CYLC2: variants seen among roughly 807,000 people sequenced by gnomAD.
CYLC2 encodes cylicin-2.
CYLC2 carries 30 observed loss-of-function variants against 26.1 expected under a neutral mutation model. That is an observed-to-expected ratio of 1.15 (90% CI 0.86 to 1.56). The LOEUF (loss-of-function observed/expected upper bound fraction) is 1.56. CYLC2 is among the 40% of genes most tolerant of loss of function. The pLI is 0.00. For synonymous variants in CYLC2, 158 were observed against 132.8 expected (o/e 1.19, Z -1.31); for missense variants, 498 against 394.4 (o/e 1.26, Z -2.23).
At chr9:102,998,334 A>G (rs1350246518) in intron 1 of CYLC2, among the ~76,000 whole-genome samples, 1 of 151,948 alleles carries the variant, frequency 6.6e-6, no homozygotes, top group Non-Finnish European at 1.5e-5. Flanking sequence ...AAATACATTT[A>G]CATTCATATA....
At chr9:102,995,610 G>T (rs553034756) in intron 1 of CYLC2, among the ~76,000 whole-genome samples, 1 of 151,792 alleles carries the variant, frequency 6.6e-6, no homozygotes, top group African/African-American at 2.4e-5. Context: ...TAGATACCTG[G>T]CTTTGGATAA....
At chr9:102,998,069 T>C (rs1829254663) in intron 1 of CYLC2, among the ~76,000 whole-genome samples, 3 of 151,956 alleles carry the variant, frequency 2.0e-5, no homozygotes, top group African/African-American at 7.2e-5. Context: ...GCACAGTTAC[T>C]GAAAATGATT....
At chr9:103,008,723 C>T (rs542761483) in intron 5 of CYLC2, among the ~76,000 whole-genome samples, 3 of 152,114 alleles carry the variant, frequency 2.0e-5, no homozygotes, top group African/African-American at 4.8e-5. Context: ...ACAAAATACT[C>T]GAGTTGGTAT....
At chr9:103,008,057 A>G (rs1829369666) in intron 5 of CYLC2, among the ~76,000 whole-genome samples, 1 of 152,110 alleles carries the variant, frequency 6.6e-6, no homozygotes, top group Non-Finnish European at 1.5e-5. Context: ...CTTCCTCTGC[A>G]TATAGTAAAA....
chr9:103,000,390 C>A (rs866617311), intron 1 of CYLC2, among the ~76,000 whole-genome samples: 1 of 151,880 alleles, frequency 6.6e-6, no homozygotes, highest in African/African-American at 2.4e-5. Flanking sequence ...GTTTCATGAA[C>A]TTAAAATCTT....
chr9:103,013,868 A>G (rs1463813800), intron 6 of CYLC2, among the ~76,000 whole-genome samples: 2 of 113,508 alleles, frequency 1.8e-5, no homozygotes, highest in Non-Finnish European at 3.2e-5. Flanking sequence ...TATATATTAT[A>G]TATTATACAT....
chr9:103,013,390 A>G (rs1221330002), intron 6 of CYLC2, among the ~76,000 whole-genome samples: 1 of 105,344 alleles, frequency 9.5e-6, no homozygotes, highest in East Asian at 2.8e-4. Flanking sequence ...ATATAAATAT[A>G]TATTATATAA....
rs1354435076 is a variant in CYLC2, at chr9:103,013,996, C to T, written c.*816+1899C>T. Reference sequence around the variant, plus strand: ...TTATATATTATTTAATATGATATTACAGTTATATTATAATATATTAAATAT... The same window carrying T: ...TTATATATTATTTAATATGATATTATAGTTATATTATAATATATTAAATAT... On this transcript the variant is annotated intron_variant, in intron 6 of 7. Coordinates refer to ENST00000374798, the MANE Select transcript of CYLC2 (RefSeq NM_001340.5). Among the ~76,000 whole-genome samples, 504 of 100,440 alleles carry T rather than the reference C, an allele frequency of 5.0e-3. 5 individuals are homozygous for T. Among genetic ancestry groups the T allele is most frequent in the African/African-American group, 0.018 (468 of 25,698 alleles). 65.9% of individuals were successfully genotyped at this position (100,440 alleles called of 152,430 possible).
chr9:103,015,075 T>A (rs1232974550), intron 6 of CYLC2, among the ~76,000 whole-genome samples: 1 of 123,170 alleles, frequency 8.1e-6, no homozygotes, highest in Admixed American at 9.1e-5. Flanking sequence ...ACATAATACA[T>A]GTAATATACA....
intron 1 of CYLC2, among the ~76,000 whole-genome samples, chr9:102,997,893 A>G (rs1829253452): frequency 1.3e-5 from 2 of 151,986 alleles, no homozygotes; most frequent in African/African-American, 4.8e-5. Context: ...AAAATTTTTT[A>G]TGGTGATAGA....
chr9:103,003,328 T>C (rs2066261), intron 3 of CYLC2, 65 bp downstream of exon 3: 1,005,174 of 1,347,160 alleles, frequency 0.75, 380,146 homozygotes, highest in East Asian at 1. Context: ...ATTATAACCA[T>C]AATAAGTAAT....
chr9:103,014,339 A>G (rs1371452998), intron 6 of CYLC2, among the ~76,000 whole-genome samples: 2 of 136,564 alleles, frequency 1.5e-5, no homozygotes, highest in Non-Finnish European at 3.1e-5. Flanking sequence ...TGTATATAAT[A>G]TGTATATATT....
chr9:102,996,741 A>G (rs1021165408), intron 1 of CYLC2, among the ~76,000 whole-genome samples: 20 of 152,106 alleles, frequency 1.3e-4, no homozygotes, highest in Admixed American at 3.9e-4. Context: ...TATGGCTATC[A>G]ACTTGTATGT....
intron 6 of CYLC2, among the ~76,000 whole-genome samples, chr9:103,015,705 T>G (rs1321006843): frequency 6.7e-6 from 1 of 149,170 alleles, no homozygotes; most frequent in African/African-American, 2.4e-5. Flanking sequence ...TAATATGGCT[T>G]TTAGAAAATG....
Position 103,012,678 on chromosome 9 carries a change from T to C in CYLC2, c.*816+581T>C, listed in dbSNP as rs146986582. Among the ~76,000 whole-genome samples, 780 of 152,152 alleles carry C rather than the reference T, an allele frequency of 5.1e-3. 6 individuals are homozygous for C. The highest frequency in any genetic ancestry group is 0.018 in the African/African-American group (739 of 41,540). Reference sequence around the variant, plus strand: ...TCTAAATAATAATTGAGTTTTCTTATCAGGCTGAACTATTTGGCAAACATA... The same window carrying C: ...TCTAAATAATAATTGAGTTTTCTTACCAGGCTGAACTATTTGGCAAACATA... On this transcript the variant is annotated intron_variant, in intron 6 of 7. Coordinates refer to ENST00000374798, the MANE Select transcript of CYLC2 (RefSeq NM_001340.5).
chr9:103,008,758 T>C (rs1338432407), intron 5 of CYLC2, among the ~76,000 whole-genome samples: 1 of 152,162 alleles, frequency 6.6e-6, no homozygotes. Flanking sequence ...CTACCACTTC[T>C]GTACACTAAA....
intron 6 of CYLC2, among the ~76,000 whole-genome samples, chr9:103,014,512 A>G (rs1431181305): frequency 7.0e-6 from 1 of 142,428 alleles, no homozygotes; most frequent in Non-Finnish European, 1.5e-5. Flanking sequence ...TATATGTAAT[A>G]TACATAATAT....
At position 103,012,013 on chromosome 9, in the gene CYLC2, G is replaced by A. The variant is rs909661817; in HGVS notation, c.*732G>A. ...TCTGTTGCCCTGGCTGGAGTTCAGT[G>A]ACATGATCTCAGGCTTACTACAGCC... On this transcript the variant is annotated 3_prime_UTR_variant, in exon 6 of 8. Transcript: ENST00000374798. The A allele has an allele frequency of 2.4e-5, 3 of 123,104 alleles. No homozygotes were observed. The highest frequency in any genetic ancestry group is 4.8e-5 in the Non-Finnish European group (3 of 63,058). The allele number at this position is 123,104 out of a possible 1,614,324, so 7.6% of individuals were successfully genotyped here. A position where few individuals can be genotyped will look rare whatever the true frequency, so the allele number is the denominator to read the frequency against.
intron 5 of CYLC2, among the ~76,000 whole-genome samples, chr9:103,006,901 A>G (rs77329375): frequency 4.6e-5 from 7 of 152,206 alleles, no homozygotes; most frequent in Non-Finnish European, 1.0e-4. Flanking sequence ...AATCAATGCT[A>G]AGAGAATGAA....
Sources: gnomAD v4.1 joint callset for allele counts (sites outside exome capture counted in the v4.1 genomes callset) on GRCh38, gnomAD v4.1.1 for gene constraint, MANE v1.5 for transcripts, NCBI Gene and HGNC (gene_info 2026-07-23, HGNC 2026-07-21) for gene names.